Variants in ZNF85 observed in about 807,000 individuals in gnomAD.
The protein encoded by ZNF85 is zinc finger protein 85.
A neutral mutation model predicts 53.9 loss-of-function variants in ZNF85; 50 were observed. That is an observed-to-expected ratio of 0.93 (90% confidence interval 0.74 to 1.17). The LOEUF is 1.17. ZNF85 is among the 50% of genes most tolerant of loss of function. The pLI, the probability that ZNF85 is intolerant of heterozygous loss-of-function variation, is 0.00. For synonymous variants in ZNF85, 225 were observed against 226.1 expected (o/e 1.00, Z 0.04); for missense variants, 747 against 688.5 (o/e 1.08, Z -0.95).
chr19:20,949,750 C>T lies in ZNF85; in HGVS notation c.1236C>T (p.Thr412=), dbSNP rs948388433. 2 of 1,611,024 alleles carry T rather than the reference C, an allele frequency of 1.2e-6. No individual in the cohort carries two copies. Among genetic ancestry groups the T allele is most frequent in the Non-Finnish European group, 1.7e-6 (2 of 1,178,736 alleles). The change falls in exon 4 of 4, where the codon ACC becomes ACT. Residue 412 remains threonine, a synonymous_variant. Coordinates refer to ENST00000328178, the MANE Select transcript of ZNF85 (RefSeq NM_003429.5). ...ECGKAFKHSS[T]LTKHKIIHTG... is the part of the protein sequence containing the mutation. Reference sequence around the variant, plus strand: ...GTAAAGCTTTTAAACACTCTTCAACCCTTACTAAACATAAGATAATTCATA... The same window carrying T: ...GTAAAGCTTTTAAACACTCTTCAACTCTTACTAAACATAAGATAATTCATA...
At chr19:20,924,565 T>A (rs1247905096) in intron 1 of ZNF85, among the ~76,000 whole-genome samples, 1 of 152,210 alleles carries the variant, frequency 6.6e-6, no homozygotes, top group Non-Finnish European at 1.5e-5. Context: ...TACTCCCTGT[T>A]CTTCCAGATT....
At position 20,923,359 on chromosome 19, in the gene ZNF85, A is replaced by G. The variant is rs1972800645; in HGVS notation, c.-42A>G. The G allele has an allele frequency of 5.0e-6, 8 of 1,613,902 alleles. No homozygotes were observed. The highest frequency in any genetic ancestry group is 6.8e-6 in the Non-Finnish European group (8 of 1,179,914). On this transcript the variant is annotated 5_prime_UTR_variant, in exon 1 of 4. Transcript: ENST00000328178. ...GGCCCTGTGGCCTGCAGGTATTGGGAGATCCACAGCTAAGACGCCGGGACC... is the reference window on the plus strand; with the variant it reads ...GGCCCTGTGGCCTGCAGGTATTGGGGGATCCACAGCTAAGACGCCGGGACC...
chr19:20,927,809 C>G, intron 1 of ZNF85: 1 of 152,540 alleles, frequency 6.6e-6, no homozygotes, highest in Non-Finnish European at 1.5e-5. Context: ...CTTGAACCGG[C>G]AGGCGGAGGT....
rs1236893688 is a variant in ZNF85 at position 20,949,305 on chromosome 19, G to A, written c.791G>A (p.Gly264Asp). ...AAACCCTACAAATGTGAAGAATGTG[G>A]CAAAACTTTTAACCGATTCTCAACT... ...GEKPYKCEEC[G>D]KTFNRFSTLT... Residue 264 changes from glycine to aspartate, a missense_variant, in exon 4 of 4, where the codon GGC becomes GAC. Coordinates refer to ENST00000328178, the MANE Select transcript of ZNF85 (RefSeq NM_003429.5). The A allele has an allele frequency of 1.2e-5, 20 of 1,608,676 alleles. No homozygotes were observed. The highest frequency in any genetic ancestry group is 1.7e-5 in the Non-Finnish European group (20 of 1,176,972).
Position 20,949,592 on chromosome 19 carries a change from CATG to C in ZNF85, c.1080_1082del (p.His360_Glu361delinsGln). 1 of 1,597,910 alleles carries C rather than the reference CATG, an allele frequency of 6.3e-7. No homozygotes were observed. Among genetic ancestry groups the C allele is most frequent in the Admixed American group, 1.7e-5 (1 of 59,362 alleles). On this transcript the variant is annotated inframe_deletion, in exon 4 of 4. Coordinates refer to ENST00000328178, the MANE Select transcript of ZNF85 (RefSeq NM_003429.5). ...TAACCAGTCTGCACACCTTACCACA[CATG>C]AGGTAATTCATACTGGAGAGAAACC...
intron 1 of ZNF85, among the ~76,000 whole-genome samples, chr19:20,924,046 C>T (rs1488541283): frequency 1.3e-5 from 2 of 149,146 alleles, no homozygotes; most frequent in South Asian, 2.1e-4. Flanking sequence ...CATCGCGCCA[C>T]TGCACTCCAG....
At chr19:20,942,610 T>C (rs561398284) in intron 3 of ZNF85, among the ~76,000 whole-genome samples, 1 of 152,210 alleles carries the variant, frequency 6.6e-6, no homozygotes, top group African/African-American at 2.4e-5. Context: ...TTGACATCTT[T>C]GAAAAATTAA....
rs1973552778 is a variant in ZNF85 at position 20,950,307 on chromosome 19, T to C, written c.*5T>C. 6.6e-7 allele frequency: 1 copy of C among 1,508,900 alleles called. No individual in the cohort carries two copies. The highest frequency in any genetic ancestry group is 1.4e-5 in the African/African-American group (1 of 71,414). The allele number at this position is 1,508,900 out of a possible 1,614,324, so 93.5% of individuals were successfully genotyped here. ...GGAGAAAAATTACAAATATGAAAAT[T>C]ATGGCAAAGCTTTAATCAATTTACA... On this transcript the variant is annotated 3_prime_UTR_variant, in exon 4 of 4. Coordinates refer to ENST00000328178, the MANE Select transcript of ZNF85 (RefSeq NM_003429.5).
intron 3 of ZNF85, among the ~76,000 whole-genome samples, chr19:20,935,269 C>T (rs1474685403): frequency 6.6e-6 from 1 of 152,170 alleles, no homozygotes; most frequent in African/African-American, 2.4e-5. Context: ...CGGTGATCTT[C>T]AAGTTTGCAG....
At chr19:20,936,388 T>C (rs1182527113) in intron 3 of ZNF85, among the ~76,000 whole-genome samples, 1 of 143,038 alleles carries the variant, frequency 7.0e-6, no homozygotes, top group African/African-American at 2.6e-5. Context: ...GTCACAAAAA[T>C]CCTTTGAGAG....
chr19:20,947,839 T>C (rs962644370), intron 3 of ZNF85, among the ~76,000 whole-genome samples: 1 of 151,978 alleles, frequency 6.6e-6, no homozygotes, highest in African/African-American at 2.4e-5. Flanking sequence ...TCCTCATTCT[T>C]CTAATTTTCA....
chr19:20,925,720 C>T (rs192940682), intron 1 of ZNF85, among the ~76,000 whole-genome samples: 3 of 152,056 alleles, frequency 2.0e-5, no homozygotes, highest in Non-Finnish European at 4.4e-5. Flanking sequence ...TGAGCAGGAG[C>T]GGGTGGGAGA....
intron 3 of ZNF85, chr19:20,945,411 T>C (rs1276698111): frequency 1.3e-5 from 2 of 152,204 alleles, no homozygotes; most frequent in African/African-American, 4.8e-5. Flanking sequence ...CATAATGTCA[T>C]CAAAACTTAT....
intron 3 of ZNF85, among the ~76,000 whole-genome samples, chr19:20,939,916 C>T (rs1028342823): frequency 3.3e-5 from 5 of 151,862 alleles, no homozygotes; most frequent in African/African-American, 1.2e-4. Context: ...AGGCTTGTCT[C>T]GAACTCCCGA....
intron 3 of ZNF85, among the ~76,000 whole-genome samples, chr19:20,937,687 G>C (rs112965418): frequency 0.012 from 1,812 of 152,262 alleles, 33 homozygotes; most frequent in African/African-American, 0.034. Context: ...GTGGGTTTCT[G>C]TGTAGGCAGA....
chr19:20,943,106 G>A, intron 3 of ZNF85: 1 of 406,708 alleles, frequency 2.5e-6, no homozygotes, highest in Non-Finnish European at 4.3e-6. Context: ...GATTTGTTAT[G>A]TGTCCTAACA....
chr19:20,942,159 A>G (rs1333742517), intron 3 of ZNF85, among the ~76,000 whole-genome samples: 1 of 150,064 alleles, frequency 6.7e-6, no homozygotes, highest in Admixed American at 6.6e-5. Context: ...CTTTTATATT[A>G]TTATTATTAA....
chr19:20,938,127 CAGTGGCAT>C (rs1243789512), intron 3 of ZNF85, among the ~76,000 whole-genome samples: 1 of 152,094 alleles, frequency 6.6e-6, no homozygotes, highest in Non-Finnish European at 1.5e-5. Context: ...GGCTTTAGTG[CAGTGGCAT>C]GATCTTGGCT....
intron 3 of ZNF85, among the ~76,000 whole-genome samples, chr19:20,935,743 T>C (rs1368758494): frequency 1.3e-5 from 2 of 151,354 alleles, no homozygotes; most frequent in Admixed American, 6.6e-5. Context: ...TGCCTCAGGG[T>C]TTCTCAATGT....
Sources: allele counts gnomAD v4.1 joint callset (sites outside exome capture counted in the v4.1 genomes callset), GRCh38; gene constraint gnomAD v4.1.1; transcripts MANE v1.5; gene names NCBI Gene and HGNC (gene_info 2026-07-23, HGNC 2026-07-21).